The following CLGN variants were observed in gnomAD, a reference collection of about 807,000 sequenced individuals.
CLGN encodes the protein calmegin, also known as testis tissue sperm-binding protein Li 79P.
CLGN carries 62 observed loss-of-function variants against 79.1 expected under a neutral mutation model. The ratio of observed to expected loss-of-function variants is 0.78; its 90% CI spans 0.64 to 0.97. The LOEUF (loss-of-function observed/expected upper bound fraction) is 0.97, where lower values mean the gene tolerates loss of function less well. CLGN is among the 50% of genes least tolerant of loss of function. CLGN has a pLI of 0.00. For synonymous variants in CLGN, 225 were observed against 224.7 expected (o/e 1.00, Z -0.01); for missense variants, 647 against 715.5 (o/e 0.90, Z 1.09).
intron 2 of CLGN, among the ~76,000 whole-genome samples, chr4:140,411,461 A>G (rs911498639): frequency 6.6e-6 from 1 of 152,150 alleles, no homozygotes; most frequent in African/African-American, 2.4e-5. Context: ...ATGAATAAAT[A>G]AAAATTTGCC....
chr4:140,417,797 A>G (rs1269170802), intron 1 of CLGN, among the ~76,000 whole-genome samples: 6 of 149,892 alleles, frequency 4.0e-5, no homozygotes, highest in Non-Finnish European at 6.0e-5. Context: ...TACAGATTCA[A>G]TGCCATCCCC....
Position 140,409,880 on chromosome 4 carries a change from T to C in CLGN, c.234A>G (p.Lys78=), listed in dbSNP as rs1214630224. The C allele has an allele frequency of 6.3e-6, 10 of 1,599,372 alleles. No homozygotes were observed. Among genetic ancestry groups the C allele is most frequent in the Non-Finnish European group, 8.5e-6 (10 of 1,169,866 alleles). Residue 78 remains lysine, a synonymous_variant, in exon 4 of 15, where the codon AAA becomes AAG. Coordinates refer to ENST00000325617, the MANE Select transcript of CLGN (RefSeq NM_004362.3). ...SGRLAGWVLS[K]AKKDDMDEEI... Reference sequence around the variant, plus strand: ...CCTCATCCATGTCATCTTTCTTTGCTTTTGATAAGACCCATCTGTAAATAA... The same window carrying C: ...CCTCATCCATGTCATCTTTCTTTGCCTTTGATAAGACCCATCTGTAAATAA...
chr4:140,424,335 T>C (rs1200393341), intron 1 of CLGN, among the ~76,000 whole-genome samples: 1 of 152,208 alleles, frequency 6.6e-6, no homozygotes, highest in East Asian at 1.9e-4. Flanking sequence ...CCTTCTACTA[T>C]TGATTTCTAG....
chr4:140,414,173 G>A (rs1199635259), intron 1 of CLGN, among the ~76,000 whole-genome samples: 5 of 152,158 alleles, frequency 3.3e-5, no homozygotes, highest in Non-Finnish European at 7.3e-5. Flanking sequence ...CAAACAGAAA[G>A]GACATCCACG....
At chr4:140,404,284 A>G (rs7683809) in intron 5 of CLGN, among the ~76,000 whole-genome samples, 14,898 of 151,862 alleles carry the variant, frequency 0.098, 845 homozygotes, top group East Asian at 0.23. Flanking sequence ...TAGTAGAGAC[A>G]GGGTTTCACC....
chr4:140,406,369 A>G (rs1729108264), intron 4 of CLGN, among the ~76,000 whole-genome samples: 1 of 152,212 alleles, frequency 6.6e-6, no homozygotes, highest in Admixed American at 6.5e-5. Context: ...TGGTTTTTCT[A>G]TGAAAGAGTT....
rs755892878 is a variant in CLGN, at chr4:140,390,687, C to A, written c.1693G>T (p.Glu565Ter). 6.2e-7 allele frequency: 1 copy of A among 1,605,372 alleles called. No individual in the cohort carries two copies. The highest frequency in any genetic ancestry group is 8.5e-7 in the Non-Finnish European group (1 of 1,175,024). The change falls in exon 14 of 15, where the codon GAA (glutamate) becomes TAA (stop). Residue 565 changes from glutamate (E) to a stop codon, truncating the protein, a stop_gained. Transcript: ENST00000325617. LOFTEE classifies it high-confidence loss of function. ...CTTTCTTCTTGCCCTTCTATGATTT[C>A]AATTTCTTCTTCACTCTTTTCCTCA... ...EPEEKSEEEI[E>*]IIEGQEESNQ...
At chr4:140,422,637 G>C (rs915118179) in intron 1 of CLGN, among the ~76,000 whole-genome samples, 2 of 152,042 alleles carry the variant, frequency 1.3e-5, no homozygotes, top group African/African-American at 4.8e-5. Context: ...TGTTTTTTGA[G>C]ATGGGATCTC....
At chr4:140,416,916 A>G (rs1560747773) in intron 1 of CLGN, among the ~76,000 whole-genome samples, 1 of 152,002 alleles carries the variant, frequency 6.6e-6, no homozygotes, top group Non-Finnish European at 1.5e-5. Context: ...ATTTTAGACC[A>G]ATATCCTTGA....
intron 10 of CLGN, among the ~76,000 whole-genome samples, chr4:140,395,382 G>T (rs774945440): frequency 6.6e-6 from 1 of 152,026 alleles, no homozygotes; most frequent in African/African-American, 2.4e-5. Flanking sequence ...TCCTGACCTC[G>T]TGATCCGCCC....
chr4:140,409,842 T>C lies in CLGN; in HGVS notation c.272A>G (p.Tyr91Cys). ...KDDMDEEISI[Y>C]DGRWEIEELK... ...TACTTAAATAAATATTTTACCATCG[T>C]ATATTGAAATTTCCTCATCCATGTC... The change falls in exon 4 of 15, where the codon TAC becomes TGC. Residue 91 changes from tyrosine (Y) to cysteine (C), a missense_variant. Physicochemically the swap from Tyr to Cys is radical, Grantham distance 194. Coordinates refer to ENST00000325617, the MANE Select transcript of CLGN (RefSeq NM_004362.3). 6.3e-7 allele frequency: 1 copy of C among 1,584,444 alleles called. No homozygotes were observed. Among genetic ancestry groups the C allele is most frequent in the Non-Finnish European group, 8.6e-7 (1 of 1,156,484 alleles).
chr4:140,388,855 G>T lies in CLGN; in HGVS notation c.*369C>A, dbSNP rs779224791. 3 of 181,954 alleles carry T rather than the reference G, an allele frequency of 1.6e-5. No individual in the cohort carries two copies. Among genetic ancestry groups the T allele is most frequent in the African/African-American group, 2.4e-5 (1 of 42,164 alleles). The allele number at this position is 181,954 out of a possible 1,614,324, so 11.3% of individuals were successfully genotyped here. On this transcript the variant is annotated 3_prime_UTR_variant, in exon 15 of 15. Coordinates refer to ENST00000325617, the MANE Select transcript of CLGN (RefSeq NM_004362.3). ...TTATTATAGAACTACCAGTTATATT[G>T]TTGTATAGCCATTTAAGTGGAAATT...
intron 1 of CLGN, among the ~76,000 whole-genome samples, chr4:140,425,431 T>TGTGTGG (rs373730128): frequency 0.012 from 843 of 69,194 alleles, 6 homozygotes; most frequent in East Asian, 0.052. Context: ...ATCAATAGGG[T>TGTGTGG]GTGTGTGTGT....
rs373260677 is a variant in CLGN, at chr4:140,395,844, G to A, written c.1124C>T (p.Pro375Leu). 21 of 1,539,450 alleles carry A rather than the reference G, an allele frequency of 1.4e-5. No individual in the cohort carries two copies. Among genetic ancestry groups the A allele is most frequent in the Middle Eastern group, 1.7e-4 (1 of 5,774 alleles). ...NPKYKGVWRP[P>L]LVDNPNYQGI... ...CTGATAGTTAGGATTATCGACCAGTGGAGGTCTCCATACTCCTTTGTATTT... is the reference window on the plus strand; with the variant it reads ...CTGATAGTTAGGATTATCGACCAGTAGAGGTCTCCATACTCCTTTGTATTT... The change falls in exon 10 of 15, where the codon CCA becomes CTA. Residue 375 changes from proline (P) to leucine (L), a missense_variant. Coordinates refer to ENST00000325617, the MANE Select transcript of CLGN (RefSeq NM_004362.3).
chr4:140,407,898 C>T (rs893580847), intron 4 of CLGN, among the ~76,000 whole-genome samples: 3 of 152,012 alleles, frequency 2.0e-5, no homozygotes, highest in Non-Finnish European at 4.4e-5. Context: ...GCAAAAAGAA[C>T]AAATCTGGAG....
chr4:140,398,463 T>A (rs556461189), intron 8 of CLGN, among the ~76,000 whole-genome samples: 1 of 152,080 alleles, frequency 6.6e-6, no homozygotes, highest in Admixed American at 6.5e-5. Flanking sequence ...GAGACGGGGT[T>A]TCGCCATGTT....
chr4:140,400,645 A>G (rs1458711290), intron 6 of CLGN, 96 bp from the exon 7 acceptor site: 3 of 702,816 alleles, frequency 4.3e-6, no homozygotes, highest in Non-Finnish European at 6.9e-6. Flanking sequence ...ACAAAAATAT[A>G]TTAAATGGTA....
Position 140,389,323 on chromosome 4 carries a change from A to T in CLGN, c.1753-19T>A, listed in dbSNP as rs1275412950. 6.3e-7 allele frequency: 1 copy of T among 1,598,488 alleles called. No individual in the cohort carries two copies. Among genetic ancestry groups the T allele is most frequent in the South Asian group, 1.1e-5 (1 of 90,688 alleles). On this transcript the variant is annotated intron_variant, in intron 14 of 14. Transcript: ENST00000325617. ...CTTTCATCTAGAAAAAATAATTATG[A>T]AAAGGTTTCTTTTAGTATAACACAT...
chr4:140,423,752 A>G (rs1023062727), intron 1 of CLGN, among the ~76,000 whole-genome samples: 5 of 152,188 alleles, frequency 3.3e-5, no homozygotes, highest in African/African-American at 7.2e-5. Flanking sequence ...TAATCTTGAT[A>G]GAGTGTGTGT....
Sources: gnomAD v4.1 joint callset for allele counts (sites outside exome capture counted in the v4.1 genomes callset) on GRCh38, gnomAD v4.1.1 for gene constraint, MANE v1.5 for transcripts, NCBI Gene and HGNC (gene_info 2026-07-23, HGNC 2026-07-21) for gene names.